The following MTARC2 variants were observed in gnomAD, a reference collection of about 807,000 sequenced individuals.
The protein encoded by MTARC2 is mitochondrial amidoxime reducing component 2, also known as MOCO sulphurase C-terminal domain containing 2.
MTARC2 carries 27 observed loss-of-function variants against 35.6 expected under a neutral mutation model. The ratio of observed to expected loss-of-function variants is 0.76; its 90% CI spans 0.56 to 1.04. MTARC2 has a LOEUF of 1.04. Among genes scored for constraint, MTARC2 ranks in the 50% least tolerant of loss-of-function variants. The probability of loss-of-function intolerance (pLI) is 0.00; values close to 1 mark genes in which losing one functional copy is unlikely to be tolerated. For missense variants in MTARC2, 412 were observed against 432.5 expected, an observed-to-expected ratio of 0.95 and a Z score of 0.42; for synonymous variants, 158 against 167.1, an observed-to-expected ratio of 0.95 and a Z score of 0.42.
At chr1:220,777,554 G>C (rs900367263) in intron 4 of MTARC2, among the ~76,000 whole-genome samples, 2 of 152,208 alleles carry the variant, frequency 1.3e-5, no homozygotes, top group Admixed American at 1.3e-4. Flanking sequence ...AAGTCAAGAC[G>C]ATTGTTTCTC....
chr1:220,753,403 C>T (rs1015975447), intron 1 of MTARC2, among the ~76,000 whole-genome samples: 14 of 152,214 alleles, frequency 9.2e-5, no homozygotes, highest in African/African-American at 2.9e-4. Context: ...GGCTGCCAGC[C>T]ATTGTCTTCT....
chr1:220,764,975 A>G (rs1411457885), intron 4 of MTARC2, among the ~76,000 whole-genome samples: 2 of 152,148 alleles, frequency 1.3e-5, no homozygotes, highest in African/African-American at 4.8e-5. Context: ...GCTCTTCAGA[A>G]TGTTCCAACA....
intron 4 of MTARC2, among the ~76,000 whole-genome samples, chr1:220,770,815 C>T (rs907364232): frequency 7.2e-5 from 11 of 152,370 alleles, no homozygotes; most frequent in African/African-American, 1.7e-4. Flanking sequence ...GTGGCCGTAA[C>T]CTCCCCTGAG....
At chr1:220,759,044 G>A (rs1238370923) in intron 2 of MTARC2, among the ~76,000 whole-genome samples, 1 of 152,094 alleles carries the variant, frequency 6.6e-6, no homozygotes. Context: ...TATCTGTAAT[G>A]TGATTTTACA....
chr1:220,775,231 G>C (rs1671868453), intron 4 of MTARC2, among the ~76,000 whole-genome samples: 2 of 137,088 alleles, frequency 1.5e-5, no homozygotes, highest in African/African-American at 5.4e-5. Context: ...GTATTTACAA[G>C]ATGTGCACAC....
intron 1 of MTARC2, chr1:220,754,238 C>G: frequency 4.5e-6 from 2 of 442,960 alleles, no homozygotes; most frequent in South Asian, 3.2e-5. Context: ...GCCAGCTTCC[C>G]CTCACTCTTC....
In MTARC2 at chr1:220,781,960, C is replaced by T. The variant is rs45577132; in HGVS notation, c.*31+28C>T. ...AAAGGGTCAGCTTTGCTTCTGAATACGCTGTCTTGAAGCCATTGCTGCATT... is the reference window on the plus strand; with the variant it reads ...AAAGGGTCAGCTTTGCTTCTGAATATGCTGTCTTGAAGCCATTGCTGCATT... On this transcript the variant is annotated intron_variant, in intron 7 of 7. Transcript: ENST00000366913. 2,758 of 1,567,734 alleles carry T rather than the reference C, an allele frequency of 1.8e-3. 2 individuals are homozygous for T. Among genetic ancestry groups the T allele is most frequent in the Non-Finnish European group, 2.2e-3 (2,531 of 1,151,984 alleles).
Position 220,772,683 on chromosome 1 carries a change from G to GGTGTATGTGTGTGTGTTTGTGTGTGT in MTARC2, c.751-7331_751-7330insATGTGTGTGTGTTTGTGTGTGTGTGT, listed in dbSNP as rs774757503. On this transcript the variant is annotated intron_variant, in intron 4 of 7. Coordinates refer to ENST00000366913, the MANE Select transcript of MTARC2 (RefSeq NM_017898.5). ...AGTGAGAAAGAGGCACTCTGGGCAG[G>GGTGTATGTGTGTGTGTTTGTGTGTGT]GTGTGTGTGTGTGTGTTTGTGTGTG... is the stretch of plus-strand genomic sequence containing the variant. Among the ~76,000 whole-genome samples, 3 of 147,958 alleles carry GGTGTATGTGTGTGTGTTTGTGTGTGT rather than the reference G, an allele frequency of 2.0e-5. No individual in the cohort carries two copies. In the East Asian group the frequency reaches 5.9e-4, roughly 29 times the overall value.
At chr1:220,764,338 C>G (rs958536112) in intron 4 of MTARC2, among the ~76,000 whole-genome samples, 2 of 152,156 alleles carry the variant, frequency 1.3e-5, no homozygotes, top group Non-Finnish European at 2.9e-5. Context: ...GGTGATCCAC[C>G]TGCTTCAGCC....
At chr1:220,772,778 C>T (rs1429890123) in intron 4 of MTARC2, among the ~76,000 whole-genome samples, 1 of 151,980 alleles carries the variant, frequency 6.6e-6, no homozygotes, top group African/African-American at 2.4e-5. Flanking sequence ...TTGCGGGAAC[C>T]ATGGCATGGT....
At chr1:220,749,620 G>A (rs1234080129) in intron 1 of MTARC2, among the ~76,000 whole-genome samples, 2 of 151,922 alleles carry the variant, frequency 1.3e-5, no homozygotes, top group South Asian at 2.1e-4. Flanking sequence ...TAGTAGAAAC[G>A]GGGTTTCACT....
Position 220,778,669 on chromosome 1 carries a change from A to G in MTARC2, c.751-1349A>G, listed in dbSNP as rs76634645. Among the ~76,000 whole-genome samples, 1,503 of 152,336 alleles carry G rather than the reference A, an allele frequency of 9.9e-3. 28 individuals carry two copies. The highest frequency in any genetic ancestry group is 0.034 in the African/African-American group (1,429 of 41,574). ...GTAATATTGAAGGAGTTAAGATCAC[A>G]TGAACCCAAAATATGCCGCTCCAGC... is the stretch of plus-strand genomic sequence containing the variant. On this transcript the variant is annotated intron_variant, in intron 4 of 7. Transcript: ENST00000366913.
In MTARC2 at chr1:220,748,504, G is replaced by T. The variant is rs1162908177; in HGVS notation, c.-28G>T. 16 of 1,373,070 alleles carry T rather than the reference G, an allele frequency of 1.2e-5. No homozygotes were observed. The highest frequency in any genetic ancestry group is 1.5e-5 in the Non-Finnish European group (16 of 1,074,352). 85.1% of individuals were successfully genotyped at this position (1,373,070 alleles called of 1,614,324 possible). A position where few individuals can be genotyped will look rare whatever the true frequency, so the allele number is the denominator to read the frequency against. ...TCTCCGGTCGCTGCCGGGTCTGTGCGCCGGTCCGCGCCCGCCCTCGCTCTG... is the reference window on the plus strand; with the variant it reads ...TCTCCGGTCGCTGCCGGGTCTGTGCTCCGGTCCGCGCCCGCCCTCGCTCTG... On this transcript the variant is annotated 5_prime_UTR_variant, in exon 1 of 8. Coordinates refer to ENST00000366913, the MANE Select transcript of MTARC2 (RefSeq NM_017898.5).
At chr1:220,781,728 G>A (rs781584175) in intron 6 of MTARC2, 50 bp from the exon 7 acceptor site, 8 of 1,603,722 alleles carry the variant, frequency 5.0e-6, no homozygotes, top group South Asian at 1.1e-5. Context: ...AGAATACTTC[G>A]ATTATTATTT....
chr1:220,783,617 A>G (rs891540733), intron 7 of MTARC2, among the ~76,000 whole-genome samples: 1 of 152,242 alleles, frequency 6.6e-6, no homozygotes, highest in African/African-American at 2.4e-5. Flanking sequence ...ACTCAGCCTC[A>G]ATTTCCAATT....
rs754298246 is a variant in MTARC2 at position 220,780,024 on chromosome 1, T to A, written c.757T>A (p.Trp253Arg). 2.0e-6 allele frequency: 3 copies of A among 1,534,120 alleles called. No individual in the cohort carries two copies. The highest frequency in any genetic ancestry group is 2.5e-5 in the Admixed American group (1 of 40,510). Residue 253 changes from tryptophan to arginine, a missense_variant, in exon 5 of 8, where the codon TGG (tryptophan) becomes AGG (arginine). Physicochemically the swap from Trp to Arg is moderately radical, Grantham distance 101. Coordinates refer to ENST00000366913, the MANE Select transcript of MTARC2 (RefSeq NM_017898.5). ...TGCDAFEEDT[W>R]DELLIGSVEV... Reference sequence around the variant, plus strand: ...ACTTTCTCTTTTCTCTTAGGATACCTGGGATGAACTCCTAATTGGTAGTGT... The same window carrying A: ...ACTTTCTCTTTTCTCTTAGGATACCAGGGATGAACTCCTAATTGGTAGTGT...
At chr1:220,777,169 G>A (rs1671941547) in intron 4 of MTARC2, among the ~76,000 whole-genome samples, 1 of 152,198 alleles carries the variant, frequency 6.6e-6, no homozygotes, top group Non-Finnish European at 1.5e-5. Flanking sequence ...GGACCGTGGC[G>A]TTTATTTCCA....
chr1:220,757,471 C>G (rs950019570), intron 2 of MTARC2, among the ~76,000 whole-genome samples: 6 of 152,164 alleles, frequency 3.9e-5, no homozygotes, highest in Non-Finnish European at 8.8e-5. Flanking sequence ...GTGTGTTTAG[C>G]TAGTGCCAGC....
Position 220,748,785 on chromosome 1 carries a change from G to A in MTARC2, c.254G>A (p.Ser85Asn). ...GAGTGCACGGCCATGGGGCTGCGCA[G>A]CGGCAACCTGCGGGACAGGTACAGC... Reference protein sequence around the residue: ...EAECTAMGLRSGNLRDRFWLV... With the variant: ...EAECTAMGLRNGNLRDRFWLV... The change falls in exon 1 of 8, where the codon AGC becomes AAC. Residue 85 changes from serine (S) to asparagine (N), a missense_variant. Transcript: ENST00000366913. 4 of 1,594,246 alleles carry A rather than the reference G, an allele frequency of 2.5e-6. No individual in the cohort carries two copies. In the Middle Eastern group the frequency reaches 5.1e-4, roughly 202 times the overall value.
Sources: gnomAD v4.1 joint callset for allele counts (sites outside exome capture counted in the v4.1 genomes callset) on GRCh38, gnomAD v4.1.1 for gene constraint, MANE v1.5 for transcripts, NCBI Gene and HGNC (gene_info 2026-07-23, HGNC 2026-07-21) for gene names.